Variants in ADGRL2 observed in about 807,000 individuals in gnomAD.
ADGRL2 encodes the protein adhesion G protein-coupled receptor L2.
In ADGRL2, 44 loss-of-function variants were observed where a neutral mutation model predicts 157.4. The observed-to-expected ratio is 0.28, with a 90% CI of 0.22 to 0.36. The LOEUF (loss-of-function observed/expected upper bound fraction) is 0.36, where lower values mean the gene tolerates loss of function less well. Ranked by LOEUF, ADGRL2 falls within the 10% of genes least tolerant of loss-of-function variation. The pLI is 1.00. For synonymous variants in ADGRL2, 585 were observed against 624.7 expected (o/e 0.94, Z 0.95); for missense variants, 1,510 against 1,768.9 (o/e 0.85, Z 2.63).
upstream of ADGRL2, among the ~76,000 whole-genome samples, chr1:81,698,872 G>T (rs966147105): frequency 6.6e-6 from 1 of 152,104 alleles, no homozygotes; most frequent in African/African-American, 2.4e-5. Context: ...ACTATAAAGA[G>T]ATATGTAGCC....
At chr1:81,730,812 A>G (rs1055736257) in intron 1 of ADGRL2, among the ~76,000 whole-genome samples, 1 of 152,080 alleles carries the variant, frequency 6.6e-6, no homozygotes, top group African/African-American at 2.4e-5. Context: ...ATTCACTCTT[A>G]CCTTAATAAT....
At chr1:81,558,259 G>GT (rs554655581) in intron 2 of ADGRL2, among the ~76,000 whole-genome samples, 28 of 152,120 alleles carry the variant, frequency 1.8e-4, no homozygotes, top group Non-Finnish European at 3.4e-4. Flanking sequence ...ATGGACATAG[G>GT]TTTTTTATAA....
At chr1:81,763,178 C>A (rs2085959493) in intron 2 of ADGRL2, among the ~76,000 whole-genome samples, 2 of 150,170 alleles carry the variant, frequency 1.3e-5, no homozygotes, top group South Asian at 4.2e-4. Context: ...ATAACCAGAA[C>A]AAAAACATTA....
chr1:81,317,849 CATA>C (rs1660220398), intron 1 of ADGRL2, among the ~76,000 whole-genome samples: 1 of 152,034 alleles, frequency 6.6e-6, no homozygotes. Flanking sequence ...TATTTCAAAA[CATA>C]ATTATATGTT....
intron 3 of ADGRL2, among the ~76,000 whole-genome samples, chr1:81,607,484 G>A (rs962069008): frequency 1.3e-5 from 2 of 152,192 alleles, no homozygotes; most frequent in East Asian, 3.9e-4. Context: ...GGAAAGGCTT[G>A]TCAAATTAAG....
intron 1 of ADGRL2, among the ~76,000 whole-genome samples, chr1:81,427,921 A>T (rs1171172112): frequency 1.3e-5 from 2 of 152,076 alleles, no homozygotes; most frequent in East Asian, 3.9e-4. Flanking sequence ...TTTTCATTTC[A>T]TCAGGTATAT....
intron 3 of ADGRL2, among the ~76,000 whole-genome samples, chr1:81,918,858 G>T (rs540866591): frequency 6.6e-6 from 1 of 152,132 alleles, no homozygotes; most frequent in South Asian, 2.1e-4. Context: ...TGTGGTTCTT[G>T]TTGGCTTTTA....
chr1:81,935,498 G>A (rs191541136), intron 3 of ADGRL2, among the ~76,000 whole-genome samples: 1 of 151,992 alleles, frequency 6.6e-6, no homozygotes, highest in East Asian at 1.9e-4. Context: ...CAAAGTATAC[G>A]ACTGTTCCTA....
At chr1:81,623,347 C>T (rs1288696773) in intron 3 of ADGRL2, among the ~76,000 whole-genome samples, 2 of 152,178 alleles carry the variant, frequency 1.3e-5, no homozygotes, top group African/African-American at 4.8e-5. Context: ...TAAAAATTGT[C>T]TCTGTTTCCT....
intron 1 of ADGRL2, among the ~76,000 whole-genome samples, chr1:81,313,113 C>A (rs1659865992): frequency 6.6e-6 from 1 of 152,126 alleles, no homozygotes; most frequent in Admixed American, 6.5e-5. Flanking sequence ...ATTTTGTTTT[C>A]TGTTCAAAAT....
At position 81,991,469 on chromosome 1, in the gene ADGRL2, CTG is replaced by C. The variant is rs745951983; in HGVS notation, c.*327_*328del. The C allele has an allele frequency of 6.0e-5, 12 of 199,872 alleles. No homozygotes were observed. The highest frequency in any genetic ancestry group is 1.0e-4 in the Non-Finnish European group (10 of 96,192). The allele number at this position is 199,872 out of a possible 1,614,324, so 12.4% of individuals were successfully genotyped here. ...TTTCCAGCCATTTTACTGCAGCAGTCTGTGAACTAAATTTGTAAATATGGCTG... is the reference window on the plus strand; with the variant it reads ...TTTCCAGCCATTTTACTGCAGCAGTCTGAACTAAATTTGTAAATATGGCTG... On this transcript the variant is annotated 3_prime_UTR_variant, in exon 24 of 24. Coordinates refer to ENST00000686636, the MANE Select transcript of ADGRL2 (RefSeq NM_001366006.2).
At chr1:81,700,410 G>T (rs572377679) in intron 1 of ADGRL2, among the ~76,000 whole-genome samples, 42 of 152,292 alleles carry the variant, frequency 2.8e-4, no homozygotes, top group South Asian at 6.2e-4. Context: ...AGCAGTCATT[G>T]CTGCTTGTTT....
rs563101823 is a variant in ADGRL2, at chr1:81,765,719, A to AT, written c.-101+3868dup. Among the ~76,000 whole-genome samples, 57 of 152,176 alleles carry AT rather than the reference A, an allele frequency of 3.7e-4. 2 individuals carry two copies. The South Asian group carries it at 8.9e-3, about 24-fold the overall frequency. ...ATGCATATTTATGTTAATAGTCATG[A>AT]TATATACACGTCAATGAACAACAGT... On this transcript the variant is annotated intron_variant, in intron 2 of 20. Coordinates refer to the ADGRL2 transcript ENST00000359929.
At chr1:81,798,394 GA>G (rs977869135), upstream of ADGRL2, among the ~76,000 whole-genome samples, 227 of 152,036 alleles carry the variant, frequency 1.5e-3, 1 homozygote, top group African/African-American at 5.0e-3. Flanking sequence ...AAAGAATAAA[GA>G]AATAATTAAA....
At chr1:81,427,842 G>A (rs2101595595) in intron 1 of ADGRL2, among the ~76,000 whole-genome samples, 1 of 152,292 alleles carries the variant, frequency 6.6e-6, no homozygotes, top group East Asian at 1.9e-4. Context: ...TGATTAATGC[G>A]ATGTAGTGTC....
intron 1 of ADGRL2, among the ~76,000 whole-genome samples, chr1:81,706,602 C>T (rs909485770): frequency 2.6e-4 from 39 of 151,782 alleles, no homozygotes; most frequent in African/African-American, 7.0e-4. Flanking sequence ...AGATTGTCAA[C>T]GAAAAGAGAG....
At chr1:81,792,821 A>G (rs2087413675) in intron 2 of ADGRL2, among the ~76,000 whole-genome samples, 1 of 152,142 alleles carries the variant, frequency 6.6e-6, no homozygotes, top group South Asian at 2.1e-4. Flanking sequence ...TAATTCACCA[A>G]AGGAGAAAGT....
intron 3 of ADGRL2, among the ~76,000 whole-genome samples, chr1:81,589,287 G>T (rs2081086353): frequency 6.6e-6 from 1 of 152,074 alleles, no homozygotes; most frequent in Admixed American, 6.6e-5. Flanking sequence ...GGTCCACAAA[G>T]ATGATGCCCT....
chr1:81,704,469 T>C (rs550757763), intron 1 of ADGRL2, among the ~76,000 whole-genome samples: 2 of 152,070 alleles, frequency 1.3e-5, no homozygotes, highest in South Asian at 2.1e-4. Context: ...GAGAGATTAG[T>C]GGTAGTGGTA....
Sources: gnomAD v4.1 joint callset for allele counts (sites outside exome capture counted in the v4.1 genomes callset) on GRCh38, gnomAD v4.1.1 for gene constraint, MANE v1.5 for transcripts, NCBI Gene and HGNC (gene_info 2026-07-23, HGNC 2026-07-21) for gene names.